Variants in SPTLC3 observed in about 807,000 individuals in gnomAD.
SPTLC3 encodes the protein serine palmitoyltransferase long chain base subunit 3.
SPTLC3 carries 36 observed loss-of-function variants against 59.3 expected under a neutral mutation model. The ratio of observed to expected loss-of-function variants is 0.61; its 90% confidence interval spans 0.47 to 0.80. The LOEUF (loss-of-function observed/expected upper bound fraction) is 0.80. Among genes scored for constraint, SPTLC3 ranks in the 30% least tolerant of loss-of-function variants. The pLI, the probability that SPTLC3 is intolerant of heterozygous loss-of-function variation, is 0.00. For missense variants in SPTLC3, 625 were observed against 685.1 expected, an observed-to-expected ratio of 0.91 and a Z score of 0.98; for synonymous variants, 257 against 240.8, an observed-to-expected ratio of 1.07 and a Z score of -0.62.
chr20:13,118,506 G>A lies in SPTLC3; in HGVS notation c.1152+781G>A, dbSNP rs370607214. Among the ~76,000 whole-genome samples, 9 of 147,642 alleles carry A rather than the reference G, an allele frequency of 6.1e-5. No individual in the cohort carries two copies. In the East Asian group the frequency reaches 1.6e-3, roughly 26 times the overall value. On this transcript the variant is annotated intron_variant, in intron 8 of 11. Transcript: ENST00000399002. ...TGAGAGAAATTTAAAAGGAGGGAAA[G>A]GAAAGGGACAAAGAAAATCCAATAT...
intron 9 of SPTLC3, among the ~76,000 whole-genome samples, chr20:13,147,119 C>A (rs1373885488): frequency 6.6e-6 from 1 of 152,114 alleles, no homozygotes; most frequent in African/African-American, 2.4e-5. Flanking sequence ...GGCTGCCCAC[C>A]CCTGATGTCC....
chr20:13,136,154 C>A (rs551417071), intron 9 of SPTLC3, among the ~76,000 whole-genome samples: 42 of 152,016 alleles, frequency 2.8e-4, no homozygotes, highest in Non-Finnish European at 5.6e-4. Flanking sequence ...CCCTCTCTGC[C>A]CTTAAACTGA....
intron 4 of SPTLC3, among the ~76,000 whole-genome samples, chr20:13,076,006 G>T (rs1988634360): frequency 6.6e-6 from 1 of 152,162 alleles, no homozygotes; most frequent in Non-Finnish European, 1.5e-5. Flanking sequence ...TCCCATTTGG[G>T]ACTTTCACTC....
At chr20:13,112,371 C>T (rs141155178) in intron 7 of SPTLC3, among the ~76,000 whole-genome samples, 209 of 152,316 alleles carry the variant, frequency 1.4e-3, no homozygotes, top group African/African-American at 4.9e-3. Flanking sequence ...CCAGAACTCC[C>T]TTACAACGTG....
chr20:13,110,070 AC>A lies in SPTLC3; in HGVS notation c.827-39del, dbSNP rs776295961. ...AAAGAAAGTGGAAAAGGAAAAGTAA[AC>A]CCTTTCATGACTCAATTTTTTTTTT... On this transcript the variant is annotated intron_variant, in intron 6 of 11. Coordinates refer to ENST00000399002, the MANE Select transcript of SPTLC3 (RefSeq NM_018327.4). The A allele has an allele frequency of 4.0e-6, 6 of 1,515,250 alleles. No individual in the cohort carries two copies. The African/African-American group carries it at 8.5e-5, about 22-fold the overall frequency. The allele number at this position is 1,515,250 out of a possible 1,614,324, so 93.9% of individuals were successfully genotyped here.
chr20:13,099,828 T>C (rs1011755675), intron 6 of SPTLC3, among the ~76,000 whole-genome samples: 1 of 152,202 alleles, frequency 6.6e-6, no homozygotes, highest in African/African-American at 2.4e-5. Flanking sequence ...GGACTGATAA[T>C]ACAGGGATTG....
intron 8 of SPTLC3, among the ~76,000 whole-genome samples, chr20:13,120,447 G>A (rs1330713788): frequency 3.3e-5 from 5 of 152,108 alleles, no homozygotes. Flanking sequence ...AGGGTTCTCA[G>A]TAAACCCTGA....
At chr20:13,103,595 GT>G (rs1447210843) in intron 6 of SPTLC3, among the ~76,000 whole-genome samples, 7 of 152,314 alleles carry the variant, frequency 4.6e-5, no homozygotes, top group African/African-American at 1.7e-4. Context: ...GATGAAAGTA[GT>G]TTTTGTGGGG....
intron 2 of SPTLC3, among the ~76,000 whole-genome samples, chr20:13,058,979 A>T (rs1477260400): frequency 6.6e-6 from 1 of 152,180 alleles, no homozygotes; most frequent in Non-Finnish European, 1.5e-5. Flanking sequence ...CACAAATTTC[A>T]GTCTCTATGT....
At chr20:13,133,950 C>A (rs913962364) in intron 9 of SPTLC3, among the ~76,000 whole-genome samples, 16 of 152,218 alleles carry the variant, frequency 1.1e-4, no homozygotes, top group African/African-American at 3.9e-4. Flanking sequence ...GTATGACAAG[C>A]ATCCCACTGG....
chr20:13,082,154 T>C (rs1988861184), intron 4 of SPTLC3, among the ~76,000 whole-genome samples: 1 of 152,250 alleles, frequency 6.6e-6, no homozygotes, highest in Admixed American at 6.5e-5. Flanking sequence ...ATATCTGGGA[T>C]GATCAAACAA....
chr20:13,151,552 GA>G, intron 9 of SPTLC3, among the ~76,000 whole-genome samples: 1 of 152,310 alleles, frequency 6.6e-6, no homozygotes, highest in South Asian at 2.1e-4. Context: ...TTGGGAAAAA[GA>G]AAGTAACAGA....
intron 6 of SPTLC3, among the ~76,000 whole-genome samples, chr20:13,108,298 A>C (rs1279584323): frequency 6.6e-6 from 1 of 152,248 alleles, no homozygotes; most frequent in Non-Finnish European, 1.5e-5. Context: ...ACTCTATTTC[A>C]AAGAACTATC....
chr20:13,041,307 T>C (rs1366059089), intron 1 of SPTLC3, among the ~76,000 whole-genome samples: 1 of 152,144 alleles, frequency 6.6e-6, no homozygotes, highest in East Asian at 1.9e-4. Context: ...TTGTTTGTAT[T>C]TTGTATTGCA....
chr20:13,082,655 C>G (rs1322294160), intron 4 of SPTLC3, among the ~76,000 whole-genome samples: 2 of 152,154 alleles, frequency 1.3e-5, no homozygotes, highest in Non-Finnish European at 2.9e-5. Context: ...TTCTCTAGAT[C>G]TCTATCAAAA....
intron 1 of SPTLC3, among the ~76,000 whole-genome samples, chr20:13,048,464 A>C (rs1471602048): frequency 2.0e-5 from 3 of 152,142 alleles, no homozygotes; most frequent in African/African-American, 7.2e-5. Context: ...ATGTTCCTTT[A>C]GTCTAGTATT....
chr20:13,110,271 C>A, intron 7 of SPTLC3, 54 bp downstream of exon 7: 2 of 1,489,764 alleles, frequency 1.3e-6, no homozygotes, highest in Non-Finnish European at 1.9e-6. Context: ...GCAAGCTGAC[C>A]AGTGCGGAAA....
chr20:13,021,905 A>G (rs1431570378), intron 1 of SPTLC3, among the ~76,000 whole-genome samples: 1 of 152,212 alleles, frequency 6.6e-6, no homozygotes, highest in East Asian at 1.9e-4. Flanking sequence ...ATAGATATAG[A>G]TAAGTAGATA....
At chr20:13,079,758 C>T (rs772554545) in intron 4 of SPTLC3, 1 of 470,268 alleles carries the variant, frequency 2.1e-6, no homozygotes, top group South Asian at 1.6e-5. Flanking sequence ...GGTGAATTCA[C>T]CTCATCCTGG....
Sources: allele counts gnomAD v4.1 joint callset (sites outside exome capture counted in the v4.1 genomes callset), GRCh38; gene constraint gnomAD v4.1.1; transcripts MANE v1.5; gene names NCBI Gene and HGNC (gene_info 2026-07-23, HGNC 2026-07-21).